The following NFATC1 variants were observed in gnomAD, a reference collection of about 807,000 sequenced individuals.
NFATC1 encodes nuclear factor of activated T cells 1, also known as nuclear factor of activated T-cells, cytoplasmic 1.
Under a neutral mutation model 76.0 loss-of-function variants are expected in NFATC1, and 22 were observed. That is an observed-to-expected ratio of 0.29 (90% CI 0.21 to 0.41). The LOEUF (loss-of-function observed/expected upper bound fraction) is 0.41, where lower values mean the gene tolerates loss of function less well. NFATC1 is among the 10% of genes least tolerant of loss of function. NFATC1 has a pLI of 1.00. For missense variants in NFATC1, 1,357 were observed against 1,337.7 expected, an observed-to-expected ratio of 1.01 and a Z score of -0.23; for synonymous variants, 704 against 613.1, an observed-to-expected ratio of 1.15 and a Z score of -2.19.
At chr18:79,511,410 C>T (rs34406707) in intron 9 of NFATC1, among the ~76,000 whole-genome samples, 2,786 of 152,254 alleles carry the variant, frequency 0.018, 46 homozygotes, top group Admixed American at 0.034. Context: ...CTATTCTTTG[C>T]AAACAGCAGG....
intron 7 of NFATC1, among the ~76,000 whole-genome samples, chr18:79,461,781 G>C (rs1320038254): frequency 6.6e-6 from 1 of 152,194 alleles, no homozygotes; most frequent in East Asian, 1.9e-4. Context: ...CCGGGGGGTG[G>C]TCAGCACCTG....
At chr18:79,439,730 T>G (rs2086905091) in intron 3 of NFATC1, among the ~76,000 whole-genome samples, 1 of 152,172 alleles carries the variant, frequency 6.6e-6, no homozygotes, top group Non-Finnish European at 1.5e-5. Context: ...AGCCCGAGCC[T>G]TCCCCGTGTC....
In NFATC1 at chr18:79,410,939, C is replaced by A; in HGVS notation, c.664C>A (p.Pro222Thr). 1 of 1,603,258 alleles carries A rather than the reference C, an allele frequency of 6.2e-7. No homozygotes were observed. The highest frequency in any genetic ancestry group is 1.7e-4 in the Middle Eastern group (1 of 6,012). Residue 222 changes from proline to threonine, a missense_variant, in exon 2 of 10, where the codon CCC becomes ACC. Coordinates refer to ENST00000427363, the MANE Select transcript of NFATC1 (RefSeq NM_001278669.2). The surrounding 1 kb of genome is among the most constrained non-coding windows in gnomAD (Gnocchi z 6.7). Reference sequence around the variant, plus strand: ...GACCACGGACCCCGAGGAGGGCTTTCCCCGCGGGCTGGGGGCCTGCACACT... The same window carrying A: ...GACCACGGACCCCGAGGAGGGCTTTACCCGCGGGCTGGGGGCCTGCACACT... The part of the protein sequence containing the change: ...PKTTDPEEGF[P>T]RGLGACTLLG...
At chr18:79,496,225 C>T (rs1339915247) in intron 9 of NFATC1, 1 of 152,662 alleles carries the variant, frequency 6.6e-6, no homozygotes, top group Admixed American at 6.5e-5. Flanking sequence ...TTTTCTCTTC[C>T]TAATGTGTAG....
rs56299984 is a variant in NFATC1 at position 79,481,102 on chromosome 18, C to T, written c.2093-5146C>T. Among the ~76,000 whole-genome samples, 1,320 of 152,350 alleles carry T rather than the reference C, an allele frequency of 8.7e-3. 21 individuals are homozygous for T. Among genetic ancestry groups the T allele is most frequent in the African/African-American group, 0.028 (1,153 of 41,590 alleles). On this transcript the variant is annotated intron_variant, in intron 8 of 9. Coordinates refer to ENST00000427363, the MANE Select transcript of NFATC1 (RefSeq NM_001278669.2). ...CAGTGACCCCTGCACCTCTCAAAGG[C>T]GCAGGCCTGAGTTCACAGAGAGCAC...
chr18:79,397,894 G>A (rs620146), intron 1 of NFATC1, among the ~76,000 whole-genome samples: 10,740 of 152,248 alleles, frequency 0.071, 536 homozygotes, highest in Non-Finnish European at 0.092. Flanking sequence ...AGTGCGCCGG[G>A]CAGCGACGCC....
intron 9 of NFATC1, among the ~76,000 whole-genome samples, chr18:79,520,035 C>T (rs984448161): frequency 6.6e-6 from 1 of 152,198 alleles, no homozygotes; most frequent in East Asian, 1.9e-4. Context: ...GGATGGAGGG[C>T]ACACACCAGG....
chr18:79,422,507 C>T (rs2086130416), intron 2 of NFATC1: 1 of 152,276 alleles, frequency 6.6e-6, no homozygotes, highest in Non-Finnish European at 1.5e-5. Context: ...CCGGACCACA[C>T]TGTTGCTCTC....
rs779856148 is a variant in NFATC1, at chr18:79,411,282, G to A, written c.1007G>A (p.Arg336His). The change falls in exon 2 of 10, where the codon CGC becomes CAC. Residue 336 changes from arginine to histidine, a missense_variant. Arg to His is a conservative substitution (Grantham distance 29). This residue lies in a region of NFATC1 where 691 missense variants were observed against 613.1 expected (regional missense o/e 1.13). Transcript: ENST00000427363. ...DLGDGVPVKSRKTTLEQPPSV... is the reference protein window; with the variant it reads ...DLGDGVPVKSHKTTLEQPPSV... ...GGAGATGGCGTCCCTGTCAAGTCCC[G>A]CAAGACCACCCTGGAGCAGCCGCCC... 7 of 1,603,314 alleles carry A rather than the reference G, an allele frequency of 4.4e-6. No homozygotes were observed. The highest frequency in any genetic ancestry group is 2.2e-5 in the East Asian group (1 of 44,850).
intron 7 of NFATC1, among the ~76,000 whole-genome samples, 195 bp downstream of exon 7, chr18:79,461,561 A>T (rs2088097926): frequency 6.6e-6 from 1 of 152,252 alleles, no homozygotes; most frequent in Admixed American, 6.5e-5. Flanking sequence ...CCAAAGCACC[A>T]TGTGCTGTCA....
intron 3 of NFATC1, among the ~76,000 whole-genome samples, chr18:79,445,903 C>A (rs8082906): frequency 0.14 from 21,128 of 152,168 alleles, 2,158 homozygotes; most frequent in African/African-American, 0.28. Flanking sequence ...AATTTGGCCT[C>A]AATCATCCAC....
chr18:79,526,237 C>G (rs966286470), intron 9 of NFATC1, among the ~76,000 whole-genome samples: 2 of 152,248 alleles, frequency 1.3e-5, no homozygotes, highest in African/African-American at 2.4e-5. Context: ...CGTTATCCTC[C>G]TTAGTGTTTG....
rs550593273 is a variant in NFATC1 at position 79,424,448 on chromosome 18, G to A, written c.1227-9131G>A. 7.9e-5 allele frequency among the ~76,000 whole-genome samples: 12 copies of A among 152,206 alleles called. No individual in the cohort carries two copies. The South Asian group carries it at 1.2e-3, about 16-fold the overall frequency. Reference sequence around the variant, plus strand: ...GAAGACCCAGAGGCTGCCTCACGTCGGAGAAATGCGCTGATCGTCTCTCTC... The same window carrying A: ...GAAGACCCAGAGGCTGCCTCACGTCAGAGAAATGCGCTGATCGTCTCTCTC... On this transcript the variant is annotated intron_variant, in intron 2 of 9. Coordinates refer to ENST00000427363, the MANE Select transcript of NFATC1 (RefSeq NM_001278669.2).
chr18:79,483,389 T>A (rs1421651953), intron 8 of NFATC1, among the ~76,000 whole-genome samples: 1 of 116,648 alleles, frequency 8.6e-6, no homozygotes, highest in Non-Finnish European at 1.7e-5. Flanking sequence ...TCCTGGGGTG[T>A]CATTCCGGCA....
At chr18:79,519,817 C>T (rs542131444) in intron 9 of NFATC1, among the ~76,000 whole-genome samples, 3 of 152,322 alleles carry the variant, frequency 2.0e-5, no homozygotes, top group African/African-American at 7.2e-5. Context: ...TTCTGTGGGT[C>T]TTTCCTCTTG....
intron 2 of NFATC1, among the ~76,000 whole-genome samples, chr18:79,418,898 C>T (rs2148227777): frequency 6.6e-6 from 1 of 152,228 alleles, no homozygotes; most frequent in East Asian, 1.9e-4. Flanking sequence ...TTCTCCCAGG[C>T]GTGTGTGGAA....
chr18:79,412,989 C>T (rs2085749877), intron 2 of NFATC1, among the ~76,000 whole-genome samples: 1 of 152,204 alleles, frequency 6.6e-6, no homozygotes, highest in Admixed American at 6.5e-5. Context: ...AAATCCCATT[C>T]AGTTGGAGGC....
chr18:79,450,127 C>T (rs545255287), intron 4 of NFATC1, among the ~76,000 whole-genome samples: 9 of 152,306 alleles, frequency 5.9e-5, no homozygotes, highest in African/African-American at 1.7e-4. Flanking sequence ...GGCCGGGAGA[C>T]GCCCGCAGCC....
At chr18:79,432,169 G>A (rs990754465) in intron 2 of NFATC1, among the ~76,000 whole-genome samples, 3 of 152,376 alleles carry the variant, frequency 2.0e-5, no homozygotes, top group African/African-American at 7.2e-5. Flanking sequence ...CCATGTCTCT[G>A]GGGCTTGTAC....
Sources: gnomAD v4.1 joint callset for allele counts (sites outside exome capture counted in the v4.1 genomes callset) on GRCh38, gnomAD v4.1.1 for gene constraint, gnomAD v4.1.1 regional missense constraint, Gnocchi (gnomAD v3.1) non-coding constraint, MANE v1.5 for transcripts, NCBI Gene and HGNC (gene_info 2026-07-23, HGNC 2026-07-21) for gene names.